Variants in NELL1 observed in about 807,000 individuals in gnomAD.
The protein encoded by NELL1 is neural EGFL like 1.
A neutral mutation model predicts 107.4 loss-of-function variants in NELL1; 76 were observed. The ratio of observed to expected loss-of-function variants is 0.71; its 90% confidence interval spans 0.59 to 0.86. NELL1 has a LOEUF of 0.86. Ranked by LOEUF, NELL1 falls within the 40% of genes least tolerant of loss-of-function variation. The pLI, the probability that NELL1 is intolerant of heterozygous loss-of-function variation, is 0.00. For synonymous variants in NELL1, 353 were observed against 341.2 expected, an observed-to-expected ratio of 1.03 and a Z score of -0.38; for missense variants, 1,024 against 1,005.5, an observed-to-expected ratio of 1.02 and a Z score of -0.25.
intron 2 of NELL1, among the ~76,000 whole-genome samples, chr11:20,762,568 C>T (rs936567753): frequency 4.6e-5 from 7 of 152,210 alleles, no homozygotes; most frequent in South Asian, 2.1e-4. Context: ...TTGCATGGAA[C>T]GACTGGGTGT....
At chr11:20,813,393 G>C (rs989018592) in intron 3 of NELL1, among the ~76,000 whole-genome samples, 2 of 152,142 alleles carry the variant, frequency 1.3e-5, no homozygotes, top group Admixed American at 6.5e-5. Context: ...AGTCTGTATA[G>C]TCATTGTAGG....
chr11:20,778,628 G>C (rs1856796007), intron 2 of NELL1, among the ~76,000 whole-genome samples: 1 of 151,184 alleles, frequency 6.6e-6, no homozygotes, highest in African/African-American at 2.4e-5. Flanking sequence ...TTGCTGCTGA[G>C]TTAGCACTTC....
intron 14 of NELL1, among the ~76,000 whole-genome samples, chr11:21,247,196 T>C (rs1411740461): frequency 6.6e-6 from 1 of 152,196 alleles, no homozygotes; most frequent in Non-Finnish European, 1.5e-5. Flanking sequence ...CTGTACACTA[T>C]GGTAGGCTGT....
intron 4 of NELL1, among the ~76,000 whole-genome samples, chr11:20,877,415 C>A (rs1347454384): frequency 6.6e-6 from 1 of 152,170 alleles, no homozygotes; most frequent in Admixed American, 6.5e-5. Flanking sequence ...ACTGTGGAGT[C>A]TCTTCAAAAA....
At chr11:20,865,661 AC>A (rs1288257047) in intron 4 of NELL1, among the ~76,000 whole-genome samples, 2 of 151,970 alleles carry the variant, frequency 1.3e-5, no homozygotes, top group African/African-American at 4.8e-5. Flanking sequence ...GCTGGCTGTG[AC>A]CTTTGACTGA....
At chr11:21,491,591 G>A (rs1285175979) in intron 15 of NELL1, among the ~76,000 whole-genome samples, 1 of 152,122 alleles carries the variant, frequency 6.6e-6, no homozygotes, top group African/African-American at 2.4e-5. Flanking sequence ...TGCTGTTTGG[G>A]TTACTGTAGC....
intron 15 of NELL1, among the ~76,000 whole-genome samples, chr11:21,497,911 T>C (rs1855025186): frequency 6.6e-6 from 1 of 152,056 alleles, no homozygotes; most frequent in Non-Finnish European, 1.5e-5. Flanking sequence ...CATTTTATTA[T>C]ACCCTGTGTC....
chr11:20,872,285 C>T (rs1156903326), intron 4 of NELL1, among the ~76,000 whole-genome samples: 1 of 151,212 alleles, frequency 6.6e-6, no homozygotes, highest in Non-Finnish European at 1.5e-5. Context: ...GGTGATTCTC[C>T]CGCTCCCACC....
chr11:21,228,169 T>C (rs1324082893), intron 13 of NELL1, among the ~76,000 whole-genome samples: 2 of 152,224 alleles, frequency 1.3e-5, no homozygotes, highest in African/African-American at 4.8e-5. Context: ...TAAAAAGGAA[T>C]AAAGGATATA....
At chr11:21,417,860 C>T (rs1290923118) in intron 15 of NELL1, among the ~76,000 whole-genome samples, 1 of 151,972 alleles carries the variant, frequency 6.6e-6, no homozygotes, top group South Asian at 2.1e-4. Flanking sequence ...CTTTGAAAAA[C>T]ACAAAATGAA....
intron 13 of NELL1, among the ~76,000 whole-genome samples, chr11:21,127,983 C>A (rs1855526335): frequency 6.6e-6 from 1 of 151,908 alleles, no homozygotes; most frequent in Non-Finnish European, 1.5e-5. Flanking sequence ...TCTGTATTAT[C>A]ATGATGATCA....
chr11:20,760,307 G>A (rs1856391182), intron 2 of NELL1, among the ~76,000 whole-genome samples: 1 of 152,180 alleles, frequency 6.6e-6, no homozygotes, highest in Non-Finnish European at 1.5e-5. Context: ...TCTCAAGTGT[G>A]TTTAACTCAT....
intron 14 of NELL1, among the ~76,000 whole-genome samples, chr11:21,234,293 C>T (rs1858143103): frequency 1.3e-5 from 2 of 152,186 alleles, no homozygotes; most frequent in Non-Finnish European, 2.9e-5. Flanking sequence ...TCTCTCTCTT[C>T]TCCTGTCGTG....
At chr11:20,714,979 C>CA (rs1439103557) in intron 2 of NELL1, among the ~76,000 whole-genome samples, 1 of 152,108 alleles carries the variant, frequency 6.6e-6, no homozygotes, top group African/African-American at 2.4e-5. Flanking sequence ...AGCGGTGGCT[C>CA]ACGCCTGTAA....
At chr11:20,799,471 C>T (rs1387115249) in intron 3 of NELL1, among the ~76,000 whole-genome samples, 2 of 152,206 alleles carry the variant, frequency 1.3e-5, no homozygotes, top group African/African-American at 4.8e-5. Flanking sequence ...ATTTATAAAA[C>T]TATAACAATT....
At chr11:21,348,390 G>T (rs543300890) in intron 14 of NELL1, among the ~76,000 whole-genome samples, 28 of 152,268 alleles carry the variant, frequency 1.8e-4, no homozygotes, top group African/African-American at 6.7e-4. Context: ...GGGAGATACA[G>T]AAATGAGGAT....
chr11:21,199,684 C>T (rs1052012118), intron 13 of NELL1, among the ~76,000 whole-genome samples: 2 of 152,148 alleles, frequency 1.3e-5, no homozygotes, highest in Middle Eastern at 6.8e-3. Context: ...TGTTGGGGTA[C>T]ATGTGCAGAA....
chr11:20,843,384 T>C (rs1417577240), intron 3 of NELL1, among the ~76,000 whole-genome samples: 1 of 152,104 alleles, frequency 6.6e-6, no homozygotes, highest in Non-Finnish European at 1.5e-5. Flanking sequence ...GTATATATCC[T>C]TGTAGAATAA....
chr11:20,926,915 TG>T, intron 7 of NELL1: 1 of 163,386 alleles, frequency 6.1e-6, no homozygotes, highest in Admixed American at 6.2e-5. Context: ...GAGAGGATAG[TG>T]GGAGATAAAT....
Sources: gnomAD v4.1 joint callset for allele counts (sites outside exome capture counted in the v4.1 genomes callset) on GRCh38, gnomAD v4.1.1 for gene constraint, MANE v1.5 for transcripts, NCBI Gene and HGNC (gene_info 2026-07-23, HGNC 2026-07-21) for gene names.